The following WWOX variants were observed in gnomAD, a reference collection of about 807,000 sequenced individuals.
WWOX encodes WW domain-containing oxidoreductase.
In WWOX, 69 loss-of-function variants were observed where a neutral mutation model predicts 46.2. That is an observed-to-expected ratio of 1.49 (90% CI 1.23 to 1.82). WWOX has a LOEUF of 1.82. WWOX is among the 40% of genes most tolerant of loss of function. The pLI, the probability that WWOX is intolerant of heterozygous loss-of-function variation, is 0.00. For synonymous variants in WWOX, 359 were observed against 202.6 expected, an observed-to-expected ratio of 1.77 and a Z score of -6.56; for missense variants, 919 against 542.6, an observed-to-expected ratio of 1.69 and a Z score of -6.89.
intron 8 of WWOX, chr16:79,016,678 T>TA (rs2047419799): frequency 1.2e-5 from 1 of 82,210 alleles, no homozygotes; most frequent in Non-Finnish European, 2.8e-5. Context: ...CTGCATCGGC[T>TA]TCCCAAAGTG....
chr16:78,896,825 A>G (rs917715480), intron 8 of WWOX: 23 of 152,252 alleles, frequency 1.5e-4, no homozygotes, highest in African/African-American at 5.5e-4. Context: ...GACATAATTT[A>G]CATAATTTAT....
Position 78,386,863 on chromosome 16 carries a change from A to G in WWOX, c.520A>G (p.Lys174Glu), listed in dbSNP as rs766451936. The G allele has an allele frequency of 6.2e-7, 1 of 1,613,932 alleles. No individual in the cohort carries two copies. Among genetic ancestry groups the G allele is most frequent in the Non-Finnish European group, 8.5e-7 (1 of 1,179,820 alleles). ...TTTTTATTTTCTCTCATTGCAGCAT[A>G]AAGCCAAGGTAGAAGCAATGACCCT... The part of the protein sequence containing the change: ...AVSRILEEWH[K>E]AKVEAMTLDL... Residue 174 changes from lysine to glutamate, a missense_variant, in exon 6 of 9, where the codon AAA becomes GAA. Lys to Glu is a moderately conservative substitution (Grantham distance 56). Coordinates refer to ENST00000566780, the MANE Select transcript of WWOX (RefSeq NM_016373.4).
chr16:78,813,800 A>G (rs1358057189), intron 8 of WWOX, among the ~76,000 whole-genome samples: 4 of 152,020 alleles, frequency 2.6e-5, no homozygotes, highest in African/African-American at 9.7e-5. Context: ...GATTCAGCTC[A>G]TTTTATTTTT....
intron 8 of WWOX, among the ~76,000 whole-genome samples, chr16:79,124,700 T>C (rs953373131): frequency 2.6e-5 from 4 of 152,188 alleles, no homozygotes; most frequent in African/African-American, 4.8e-5. Flanking sequence ...TTATATTGTT[T>C]AGTGGAGCAA....
At chr16:78,996,176 C>T (rs1597252394) in intron 8 of WWOX, 3 of 976,606 alleles carry the variant, frequency 3.1e-6, no homozygotes, top group South Asian at 4.7e-5. Flanking sequence ...AAACTCACAT[C>T]TTCTTTAAAT....
At chr16:78,840,016 C>A (rs1005283563) in intron 8 of WWOX, among the ~76,000 whole-genome samples, 2 of 152,150 alleles carry the variant, frequency 1.3e-5, no homozygotes, top group Non-Finnish European at 2.9e-5. Context: ...ACAGTTTCTT[C>A]GTCTTTGAGT....
At chr16:78,334,485 A>T (rs1054800355) in intron 5 of WWOX, among the ~76,000 whole-genome samples, 1 of 152,176 alleles carries the variant, frequency 6.6e-6, no homozygotes, top group Non-Finnish European at 1.5e-5. Flanking sequence ...GTGTTACACA[A>T]TTCATAGCCT....
intron 8 of WWOX, among the ~76,000 whole-genome samples, chr16:78,992,518 G>A (rs191942982): frequency 2.8e-4 from 42 of 152,214 alleles, no homozygotes; most frequent in Admixed American, 1.3e-3. Context: ...CTCATTTTAC[G>A]TTGTATGTAC....
chr16:79,051,871 C>G (rs1333214056), intron 8 of WWOX, among the ~76,000 whole-genome samples: 2 of 152,152 alleles, frequency 1.3e-5, no homozygotes, highest in Admixed American at 1.3e-4. Flanking sequence ...ACAGTTTAGC[C>G]TAAATATTTG....
chr16:78,240,611 G>A (rs1191956022), intron 5 of WWOX, among the ~76,000 whole-genome samples: 5 of 152,282 alleles, frequency 3.3e-5, no homozygotes, highest in South Asian at 4.1e-4. Context: ...CTGGTTTCCC[G>A]GAGGAACTTC....
chr16:78,845,078 G>A (rs1186991566), intron 8 of WWOX, among the ~76,000 whole-genome samples: 1 of 150,622 alleles, frequency 6.6e-6, no homozygotes, highest in East Asian at 1.9e-4. Context: ...CCAAAGGGTC[G>A]TTGTCTCCTC....
At chr16:79,133,722 C>T (rs1480033314) in intron 8 of WWOX, among the ~76,000 whole-genome samples, 3 of 152,198 alleles carry the variant, frequency 2.0e-5, no homozygotes, top group African/African-American at 4.8e-5. Context: ...AGCAAGTGTT[C>T]TACCAGCTGA....
intron 8 of WWOX, among the ~76,000 whole-genome samples, chr16:78,572,556 T>C (rs563993706): frequency 2.0e-4 from 29 of 143,352 alleles, no homozygotes; most frequent in African/African-American, 7.2e-4. Flanking sequence ...TGAGCCATGA[T>C]TGTACCACTG....
intron 8 of WWOX, among the ~76,000 whole-genome samples, chr16:79,169,940 G>A (rs1455702283): frequency 1.3e-5 from 2 of 152,178 alleles, no homozygotes; most frequent in Non-Finnish European, 2.9e-5. Flanking sequence ...CATGCACAGT[G>A]GCTCAGCAGA....
rs144149859 is a variant in WWOX, at chr16:78,678,857, C to G, written c.1056+246105C>G. On this transcript the variant is annotated intron_variant, in intron 8 of 8. Transcript: ENST00000566780. The stretch of plus-strand genomic sequence containing the variant: ...GCTCCATAAAGAGTCCCTGTGCTTC[C>G]CAGTTTACTCTGGAGACGACTGAGG... Among the ~76,000 whole-genome samples the G allele has an allele frequency of 3.9e-5, 6 of 152,240 alleles. No homozygotes were observed. The East Asian group carries it at 1.2e-3, about 29-fold the overall frequency.
chr16:79,077,452 G>A (rs776918334), intron 8 of WWOX: 1 of 152,126 alleles, frequency 6.6e-6, no homozygotes, highest in Non-Finnish European at 1.5e-5. Flanking sequence ...AGCTAAGTAG[G>A]AGCTGAAAAT....
At chr16:78,476,262 TA>T (rs1250900206) in intron 8 of WWOX, among the ~76,000 whole-genome samples, 1 of 152,206 alleles carries the variant, frequency 6.6e-6, no homozygotes, top group African/African-American at 2.4e-5. Flanking sequence ...GTTGGCTGCA[TA>T]AATGTCTTCT....
intron 8 of WWOX, among the ~76,000 whole-genome samples, chr16:78,996,678 C>G (rs558626023): frequency 6.6e-6 from 1 of 152,176 alleles, no homozygotes; most frequent in Non-Finnish European, 1.5e-5. Context: ...AATGTGGGGA[C>G]AATATGGCAA....
chr16:78,235,570 C>T (rs2037408598), intron 5 of WWOX, among the ~76,000 whole-genome samples: 1 of 152,216 alleles, frequency 6.6e-6, no homozygotes, highest in South Asian at 2.1e-4. Context: ...TTCAGCGTGG[C>T]TTCACTGGTT....
Sources: allele counts gnomAD v4.1 joint callset (sites outside exome capture counted in the v4.1 genomes callset), GRCh38; gene constraint gnomAD v4.1.1; transcripts MANE v1.5; gene names NCBI Gene and HGNC (gene_info 2026-07-23, HGNC 2026-07-21).